The following LRP1B variants were observed in gnomAD, a reference collection of about 807,000 sequenced individuals.
LRP1B encodes the protein low-density lipoprotein receptor-related protein 1B.
In LRP1B, 217 loss-of-function variants were observed where a neutral mutation model predicts 556.6. The observed-to-expected ratio is 0.39, with a 90% CI of 0.35 to 0.44. The LOEUF is 0.44. Ranked by LOEUF, LRP1B falls within the 20% of genes least tolerant of loss-of-function variation. The pLI, the probability that LRP1B is intolerant of heterozygous loss-of-function variation, is 1.00. For synonymous variants in LRP1B, 2,047 were observed against 1,865.8 expected, an observed-to-expected ratio of 1.10 and a Z score of -2.50; for missense variants, 5,053 against 5,620.8, an observed-to-expected ratio of 0.90 and a Z score of 3.23.
intron 72 of LRP1B, among the ~76,000 whole-genome samples, chr2:140,361,364 A>ATATATATATATATATG (rs1310139864): frequency 2.2e-4 from 29 of 131,276 alleles, no homozygotes; most frequent in Non-Finnish European, 4.0e-4. Flanking sequence ...ATATATATAT[A>ATATATATATATATATG]TATATATATA....
At chr2:140,874,654 C>T (rs1030442680) in intron 25 of LRP1B, among the ~76,000 whole-genome samples, 16 of 151,604 alleles carry the variant, frequency 1.1e-4, no homozygotes, top group African/African-American at 2.2e-4. Context: ...TTACTACATC[C>T]GTTTATCTTT....
intron 1 of LRP1B, among the ~76,000 whole-genome samples, chr2:141,881,692 A>G (rs1483453318): frequency 2.0e-5 from 3 of 152,094 alleles, no homozygotes; most frequent in Non-Finnish European, 4.4e-5. Context: ...GTTTAGAAAA[A>G]CTACCTACCT....
intron 6 of LRP1B, among the ~76,000 whole-genome samples, chr2:141,189,628 T>G (rs1681411559): frequency 6.6e-6 from 1 of 151,520 alleles, no homozygotes; most frequent in Non-Finnish European, 1.5e-5. Flanking sequence ...TGGCCTCAGC[T>G]TCTTCCTTTT....
At chr2:141,314,164 G>A (rs934680277) in intron 3 of LRP1B, among the ~76,000 whole-genome samples, 2 of 152,076 alleles carry the variant, frequency 1.3e-5, no homozygotes, top group African/African-American at 2.4e-5. Context: ...AAATATACTC[G>A]CATGCCTCGT....
intron 9 of LRP1B, among the ~76,000 whole-genome samples, chr2:141,057,514 G>A (rs911779627): frequency 7.2e-5 from 11 of 151,892 alleles, no homozygotes; most frequent in Non-Finnish European, 1.3e-4. Flanking sequence ...GTTGTTGGGG[G>A]GGACCCAGTA....
intron 2 of LRP1B, among the ~76,000 whole-genome samples, chr2:141,765,822 T>C (rs933019304): frequency 6.6e-6 from 1 of 152,198 alleles, no homozygotes; most frequent in African/African-American, 2.4e-5. Context: ...AGCAATAGCA[T>C]CTCCTCAGAA....
intron 1 of LRP1B, among the ~76,000 whole-genome samples, chr2:142,035,282 A>G (rs1351950047): frequency 6.6e-6 from 1 of 151,678 alleles, no homozygotes; most frequent in Non-Finnish European, 1.5e-5. Context: ...CAGATGCTAT[A>G]TTAAGAAACA....
intron 83 of LRP1B, among the ~76,000 whole-genome samples, chr2:140,308,071 T>A (rs1684140763): frequency 6.6e-6 from 1 of 151,776 alleles, no homozygotes; most frequent in African/African-American, 2.4e-5. Context: ...ATACTTATTG[T>A]CAAGTAATAT....
chr2:140,958,833 A>C (rs1202937396), intron 18 of LRP1B, among the ~76,000 whole-genome samples: 2 of 151,652 alleles, frequency 1.3e-5, no homozygotes, highest in African/African-American at 2.4e-5. Context: ...CCCACTGAAA[A>C]AATAAAAAGT....
intron 41 of LRP1B, among the ~76,000 whole-genome samples, chr2:140,642,906 A>T (rs1458135243): frequency 6.6e-6 from 1 of 152,128 alleles, no homozygotes; most frequent in Non-Finnish European, 1.5e-5. Flanking sequence ...TTAAACATTC[A>T]CCTAATATCT....
chr2:140,584,930 T>C (rs1374110109), intron 43 of LRP1B, among the ~76,000 whole-genome samples: 1 of 152,098 alleles, frequency 6.6e-6, no homozygotes, highest in Non-Finnish European at 1.5e-5. Context: ...GCATCCTTTT[T>C]ATAATTTGTC....
At chr2:141,486,234 A>G (rs1358745440) in intron 2 of LRP1B, among the ~76,000 whole-genome samples, 1 of 152,176 alleles carries the variant, frequency 6.6e-6, no homozygotes, top group Non-Finnish European at 1.5e-5. Flanking sequence ...TAGTATTTAT[A>G]CTTTTAAATT....
intron 41 of LRP1B, among the ~76,000 whole-genome samples, chr2:140,689,759 T>A (rs1452186890): frequency 1.3e-5 from 2 of 152,174 alleles, no homozygotes; most frequent in Non-Finnish European, 2.9e-5. Flanking sequence ...CTAACTATAA[T>A]AATTCCAGAG....
At position 141,911,878 on chromosome 2, in the gene LRP1B, T is replaced by C. The variant is rs1260103573; in HGVS notation, c.83-101477A>G. Among the ~76,000 whole-genome samples the C allele has an allele frequency of 3.3e-5, 5 of 152,248 alleles. No individual in the cohort carries two copies. In the East Asian group the frequency reaches 9.7e-4, roughly 29 times the overall value. On this transcript the variant is annotated intron_variant, in intron 1 of 90. Coordinates refer to ENST00000389484, the MANE Select transcript of LRP1B (RefSeq NM_018557.3). ...CTCAAATAAAATTTGTATGTGCTACTGCCACCTCGTGGTCATCAATTTTTC... is the reference window on the plus strand; with the variant it reads ...CTCAAATAAAATTTGTATGTGCTACCGCCACCTCGTGGTCATCAATTTTTC...
intron 1 of LRP1B, among the ~76,000 whole-genome samples, chr2:141,860,755 G>A (rs1698212857): frequency 6.6e-6 from 1 of 151,964 alleles, no homozygotes; most frequent in Non-Finnish European, 1.5e-5. Flanking sequence ...CTTGCTTAGA[G>A]AGAATTGTAG....
chr2:140,676,756 T>TA (rs1200424560), intron 41 of LRP1B, among the ~76,000 whole-genome samples: 1 of 152,208 alleles, frequency 6.6e-6, no homozygotes, highest in African/African-American at 2.4e-5. Context: ...ATAAATGACT[T>TA]ACTCCCTTGT....
intron 2 of LRP1B, among the ~76,000 whole-genome samples, chr2:141,539,002 T>G (rs1685157950): frequency 6.6e-6 from 1 of 152,168 alleles, no homozygotes; most frequent in Admixed American, 6.6e-5. Context: ...CACATGTATA[T>G]ATTCAATAAG....
chr2:140,479,151 A>C (rs1256221238), intron 59 of LRP1B, among the ~76,000 whole-genome samples: 1 of 152,088 alleles, frequency 6.6e-6, no homozygotes, highest in Non-Finnish European at 1.5e-5. Context: ...TTGTCTCTCA[A>C]TAAGTGGTAG....
intron 3 of LRP1B, among the ~76,000 whole-genome samples, chr2:141,368,088 T>G (rs576953554): frequency 6.6e-6 from 1 of 152,320 alleles, no homozygotes; most frequent in East Asian, 1.9e-4. Context: ...ACTTCAAATT[T>G]TTAAAAATTC....
Sources: allele counts gnomAD v4.1 joint callset (sites outside exome capture counted in the v4.1 genomes callset), GRCh38; gene constraint gnomAD v4.1.1; transcripts MANE v1.5; gene names NCBI Gene and HGNC (gene_info 2026-07-23, HGNC 2026-07-21).